Variants in PICK1 observed in about 807,000 individuals in gnomAD.
PICK1 encodes protein interacting with PRKCA 1, also known as PRKCA-binding protein.
Under a neutral mutation model 48.9 loss-of-function variants are expected in PICK1, and 23 were observed. The observed-to-expected ratio is 0.47, with a 90% confidence interval of 0.34 to 0.67. The LOEUF (loss-of-function observed/expected upper bound fraction) is 0.67, where lower values mean the gene tolerates loss of function less well. Ranked by LOEUF, PICK1 falls within the 30% of genes least tolerant of loss-of-function variation. The pLI is 0.01. For synonymous variants in PICK1, 217 were observed against 228.2 expected (o/e 0.95, Z 0.44); for missense variants, 423 against 557.1 (o/e 0.76, Z 2.42).
Position 38,074,336 on chromosome 22 carries a change from C to T in PICK1, c.864C>T (p.Ser288=). ...IALGEPLYRV[S]TGNYEYRLIL... ...TAGGCGAGCCCCTTTACCGGGTGAG[C>T]ACCGGCAACTATGAGTACCGCCTGA... Residue 288 remains serine, a synonymous_variant, in exon 12 of 13, where the codon AGC becomes AGT. Coordinates refer to ENST00000356976, the MANE Select transcript of PICK1 (RefSeq NM_012407.4). The surrounding 1 kb of genome is among the most constrained non-coding windows in gnomAD (Gnocchi z 4.5). The T allele has an allele frequency of 6.2e-7, 1 of 1,612,850 alleles. No individual in the cohort carries two copies. Among genetic ancestry groups the T allele is most frequent in the Non-Finnish European group, 8.5e-7 (1 of 1,179,904 alleles).
chr22:38,063,797 C>G (rs2085462471), intron 3 of PICK1, among the ~76,000 whole-genome samples: 1 of 152,068 alleles, frequency 6.6e-6, no homozygotes, highest in South Asian at 2.1e-4. Context: ...CGTACACCAC[C>G]ATGCCCAGCT....
In PICK1 at chr22:38,072,463, A is replaced by G. The variant is rs756925451; in HGVS notation, c.557-14A>G. On this transcript the variant is annotated splice_polypyrimidine_tract_variant and intron_variant, in intron 8 of 12. Coordinates refer to ENST00000356976, the MANE Select transcript of PICK1 (RefSeq NM_012407.4). ...CCAAGTAGGGGCAGCCTTCAAGGCA[A>G]ACTTGTCCTGCAGCCTTTGGGGACG... The G allele has an allele frequency of 4.3e-6, 7 of 1,611,320 alleles. No individual in the cohort carries two copies. The highest frequency in any genetic ancestry group is 1.3e-5 in the African/African-American group (1 of 74,908).
At position 38,075,300 on chromosome 22, in the gene PICK1, A is replaced by G; in HGVS notation, c.*168A>G. 1.5e-6 allele frequency: 1 copy of G among 661,510 alleles called. No homozygotes were observed. Among genetic ancestry groups the G allele is most frequent in the Non-Finnish European group, 2.5e-6 (1 of 394,700 alleles). 41.0% of individuals were successfully genotyped at this position (661,510 alleles called of 1,614,324 possible). A position where few individuals can be genotyped will look rare whatever the true frequency, so the allele number is the denominator to read the frequency against. On this transcript the variant is annotated 3_prime_UTR_variant, in exon 13 of 13. Transcript: ENST00000356976. ...GCGAACCTGGGCTCCTGCCCAGGACAGGCACCAGGGTCATGGCCTGGGACC... is the reference window on the plus strand; with the variant it reads ...GCGAACCTGGGCTCCTGCCCAGGACGGGCACCAGGGTCATGGCCTGGGACC...
intron 3 of PICK1, among the ~76,000 whole-genome samples, chr22:38,060,416 C>T (rs1376111187): frequency 6.6e-6 from 1 of 152,190 alleles, no homozygotes; most frequent in African/African-American, 2.4e-5. Flanking sequence ...CTGTGTGGCT[C>T]ATCCAAGTCA....
At position 38,074,253 on chromosome 22, in the gene PICK1, A is replaced by C; in HGVS notation, c.835-54A>C. Reference sequence around the variant, plus strand: ...AGAACAGCCGTGGCTTTGAAAGCACAGTGCGGTGCGAGGCCGTCCCTGAGC... The same window carrying C: ...AGAACAGCCGTGGCTTTGAAAGCACCGTGCGGTGCGAGGCCGTCCCTGAGC... On this transcript the variant is annotated intron_variant, in intron 11 of 12. Transcript: ENST00000356976. This position sits in a 1 kb window ranked among gnomAD's most constrained non-coding sequence, Gnocchi z 4.5. The C allele has an allele frequency of 6.3e-7, 1 of 1,599,892 alleles. No individual in the cohort carries two copies. Among genetic ancestry groups the C allele is most frequent in the Non-Finnish European group, 8.5e-7 (1 of 1,169,658 alleles).
intron 2 of PICK1, among the ~76,000 whole-genome samples, chr22:38,058,871 G>A (rs2085333591): frequency 6.6e-6 from 1 of 152,182 alleles, no homozygotes; most frequent in Non-Finnish European, 1.5e-5. Flanking sequence ...GCCAGGCGTG[G>A]TGGCAGGCAC....
At chr22:38,067,676 C>T (rs1238058898) in intron 4 of PICK1, 28 bp from the exon 5 acceptor site, 1 of 1,604,314 alleles carries the variant, frequency 6.2e-7, no homozygotes, top group East Asian at 2.2e-5. Context: ...GAGCCTCGCT[C>T]ACTAGTCTGT....
chr22:38,071,991 CTTGCT>C, intron 8 of PICK1: 1 of 567,328 alleles, frequency 1.8e-6, no homozygotes, highest in East Asian at 3.0e-5. Flanking sequence ...ACACAAGGCC[CTTGCT>C]TATTTATATT....
chr22:38,071,384 A>T (rs956303070), intron 7 of PICK1, among the ~76,000 whole-genome samples: 1 of 152,244 alleles, frequency 6.6e-6, no homozygotes, highest in Non-Finnish European at 1.5e-5. Context: ...TTCAGAGAAT[A>T]GCACTTGTAA....
intron 3 of PICK1, among the ~76,000 whole-genome samples, chr22:38,060,626 T>G (rs2085375687): frequency 6.6e-6 from 1 of 152,166 alleles, no homozygotes; most frequent in Non-Finnish European, 1.5e-5. Context: ...CAGGAGGCAT[T>G]AGCAAGACCT....
chr22:38,059,318 G>A lies in PICK1; in HGVS notation c.126G>A (p.Gln42=). The A allele has an allele frequency of 6.4e-7, 1 of 1,564,626 alleles. No individual in the cohort carries two copies. ...GGATCAGCATTGGAGGAGGGGCCCA[G>A]TACTGTCCCTGCCTCTATATCGTCC... ...LIGISIGGGA[Q]YCPCLYIVQV... The change falls in exon 3 of 13, where the codon CAG becomes CAA. Residue 42 remains glutamine (Q), a synonymous_variant. Coordinates refer to ENST00000356976, the MANE Select transcript of PICK1 (RefSeq NM_012407.4).
rs749565487 is a variant in PICK1 at position 38,073,040 on chromosome 22, C to T, written c.731C>T (p.Pro244Leu). 1.2e-6 allele frequency: 2 copies of T among 1,613,888 alleles called. No homozygotes were observed. Among genetic ancestry groups the T allele is most frequent in the South Asian group, 1.1e-5 (1 of 91,086 alleles). ...AACACGTACCTCAACAAAGCCATCC[C>T]GGACACTCGCCTCACCATCAAGAAG... is the stretch of plus-strand genomic sequence containing the variant. ...DLNTYLNKAI[P>L]DTRLTIKKYL... The change falls in exon 10 of 13, where the codon CCG (proline) becomes CTG (leucine). Residue 244 changes from proline (P) to leucine (L), a missense_variant. Pro to Leu is a moderately conservative substitution (Grantham distance 98, BLOSUM62 -3). Around this residue, in one of 2 missense-constraint regions of PICK1, gnomAD observed 279 missense variants for 417.8 expected, o/e 0.67. Transcript: ENST00000356976. This position sits in a 1 kb window ranked among gnomAD's most constrained non-coding sequence, Gnocchi z 5.7.
intron 3 of PICK1, among the ~76,000 whole-genome samples, chr22:38,060,167 C>T (rs554908642): frequency 4.7e-4 from 72 of 152,266 alleles, no homozygotes; most frequent in Admixed American, 1.0e-3. Flanking sequence ...GCTGAGATCA[C>T]GCCACTGCAT....
chr22:38,073,877 G>T lies in PICK1; in HGVS notation c.834+54G>T, dbSNP rs1287973208. 1 of 1,577,452 alleles carries T rather than the reference G, an allele frequency of 6.3e-7. No homozygotes were observed. The highest frequency in any genetic ancestry group is 8.7e-7 in the Non-Finnish European group (1 of 1,147,472). ...TACTTCCCCCCACCTGGTCTGCCAG[G>T]GATAGCAGGTGGCTCAGGCCAACCC... On this transcript the variant is annotated intron_variant, in intron 11 of 12. Transcript: ENST00000356976. The surrounding 1 kb of genome is among the most constrained non-coding windows in gnomAD (Gnocchi z 5.7).
In PICK1 at chr22:38,073,885, G is replaced by A; in HGVS notation, c.834+62G>A. On this transcript the variant is annotated intron_variant, in intron 11 of 12. Coordinates refer to ENST00000356976, the MANE Select transcript of PICK1 (RefSeq NM_012407.4). This position sits in a 1 kb window ranked among gnomAD's most constrained non-coding sequence, Gnocchi z 5.7. ...CCCACCTGGTCTGCCAGGGATAGCA[G>A]GTGGCTCAGGCCAACCCGGGAGAGA... is the stretch of plus-strand genomic sequence containing the variant. 1 of 1,544,762 alleles carries A rather than the reference G, an allele frequency of 6.5e-7. No individual in the cohort carries two copies. The highest frequency in any genetic ancestry group is 2.2e-5 in the East Asian group (1 of 44,578).
At position 38,075,465 on chromosome 22, in the gene PICK1, T is replaced by C; in HGVS notation, c.*333T>C. The C allele has an allele frequency of 3.5e-6, 1 of 288,858 alleles. No individual in the cohort carries two copies. Among genetic ancestry groups the C allele is most frequent in the South Asian group, 6.9e-5 (1 of 14,478 alleles). The allele number at this position is 288,858 out of a possible 1,614,324, so 17.9% of individuals were successfully genotyped here. A position where few individuals can be genotyped will look rare whatever the true frequency, so the allele number is the denominator to read the frequency against. On this transcript the variant is annotated 3_prime_UTR_variant, in exon 13 of 13. Transcript: ENST00000356976. ...TTGGAGGTGGCAGGAGTCCGAGCCCTGCTCCTTGTGGGCGCTCACACTGCC... is the reference window on the plus strand; with the variant it reads ...TTGGAGGTGGCAGGAGTCCGAGCCCCGCTCCTTGTGGGCGCTCACACTGCC...
chr22:38,068,917 C>A (rs1221053552), intron 5 of PICK1, 116 bp from the exon 6 acceptor site: 3 of 820,172 alleles, frequency 3.7e-6, no homozygotes, highest in South Asian at 2.9e-5. Flanking sequence ...TTCACAGCCA[C>A]CCCCAGCAGC....
intron 3 of PICK1, among the ~76,000 whole-genome samples, chr22:38,063,161 C>CT (rs774428983): frequency 1.5e-3 from 222 of 145,738 alleles, no homozygotes; most frequent in East Asian, 7.5e-3. Flanking sequence ...ACCATCTTAA[C>CT]TTTTTTTTTT....
chr22:38,071,844 G>C, intron 8 of PICK1, 100 bp downstream of exon 8: 1 of 1,016,116 alleles, frequency 9.8e-7, no homozygotes, highest in Non-Finnish European at 1.6e-6. Context: ...CTGACCTCAG[G>C]CTCCCTCTGG....
Sources: allele counts gnomAD v4.1 joint callset (sites outside exome capture counted in the v4.1 genomes callset), GRCh38; gene constraint gnomAD v4.1.1; regional missense constraint gnomAD v4.1.1; non-coding constraint Gnocchi (gnomAD v3.1); transcripts MANE v1.5; gene names NCBI Gene and HGNC (gene_info 2026-07-23, HGNC 2026-07-21).